The following IGSF3 variants were observed in gnomAD, a reference collection of about 807,000 sequenced individuals.
IGSF3 encodes immunoglobulin superfamily member 3.
Under a neutral mutation model 114.4 loss-of-function variants are expected in IGSF3, and 23 were observed. The ratio of observed to expected loss-of-function variants is 0.20; its 90% confidence interval spans 0.14 to 0.28. IGSF3 has a LOEUF of 0.28. Among genes scored for constraint, IGSF3 ranks in the 10% least tolerant of loss-of-function variants. The pLI is 1.00. For missense variants in IGSF3, 1,172 were observed against 1,591.5 expected (o/e 0.74, Z 4.48); for synonymous variants, 571 against 645.2 (o/e 0.88, Z 1.74).
In IGSF3 at chr1:116,600,204, G is replaced by T; in HGVS notation, c.1766C>A (p.Thr589Lys). ...SVTWRFQPVG[T>K]VEFHDLVTFT... Reference sequence around the variant, plus strand: ...GGTCACCAAGTCATGGAACTCCACCGTGCCCACCGGCTGGAACCGCCATGT... The same window carrying T: ...GGTCACCAAGTCATGGAACTCCACCTTGCCCACCGGCTGGAACCGCCATGT... The change falls in exon 7 of 11, where the codon ACG becomes AAG. Residue 589 changes from threonine to lysine, a missense_variant. Physicochemically the swap from Thr to Lys is moderately conservative, Grantham distance 78. Coordinates refer to ENST00000369486, the MANE Select transcript of IGSF3 (RefSeq NM_001007237.3). The surrounding 1 kb of genome is among the most constrained non-coding windows in gnomAD (Gnocchi z 5.5). The T allele has an allele frequency of 6.2e-7, 1 of 1,614,120 alleles. No individual in the cohort carries two copies. The highest frequency in any genetic ancestry group is 1.1e-5 in the South Asian group (1 of 91,078).
intron 8 of IGSF3, among the ~76,000 whole-genome samples, chr1:116,586,093 C>A (rs774233210): frequency 2.6e-5 from 4 of 152,096 alleles, no homozygotes; most frequent in Non-Finnish European, 4.4e-5. Context: ...TATGAATGCA[C>A]AATAGCACCT....
Position 116,610,365 on chromosome 1 carries a change from G to T in IGSF3, c.833-2034C>A, listed in dbSNP as rs796476031. Among the ~76,000 whole-genome samples, 6 of 152,218 alleles carry T rather than the reference G, an allele frequency of 3.9e-5. No homozygotes were observed. The highest frequency in any genetic ancestry group is 1.4e-4 in the African/African-American group (6 of 41,522). ...CGGCCAAAGACTCTTCTCATCTCAA[G>T]GGAATCCCCCCATGCCTTGGTGACA... On this transcript the variant is annotated intron_variant, in intron 4 of 10. Coordinates refer to ENST00000369486, the MANE Select transcript of IGSF3 (RefSeq NM_001007237.3). The surrounding 1 kb of genome is among the most constrained non-coding windows in gnomAD (Gnocchi z 4.3).
chr1:116,608,065 G>A lies in IGSF3; in HGVS notation c.1099C>T (p.Arg367Cys), dbSNP rs138298816. ...SVFVLKIYHL[R>C]QEDSGKYNCR... ...TTGTATTTCCCGCTATCTTCCTGGC[G>A]GAGGTGGTAGATCTTCAGCACAAAG... The change falls in exon 5 of 11, where the codon CGC becomes TGC. Residue 367 changes from arginine (R) to cysteine (C), a missense_variant. This residue lies in a region of IGSF3 where 736 missense variants were observed against 1,042.0 expected (regional missense o/e 0.71). Coordinates refer to ENST00000369486, the MANE Select transcript of IGSF3 (RefSeq NM_001007237.3). The A allele has an allele frequency of 2.3e-4, 379 of 1,613,770 alleles. No individual in the cohort carries two copies. Among genetic ancestry groups the A allele is most frequent in the Non-Finnish European group, 3.0e-4 (355 of 1,179,850 alleles).
chr1:116,629,308 T>C lies in IGSF3; in HGVS notation c.44-12851A>G, dbSNP rs942388810. 2.0e-5 allele frequency among the ~76,000 whole-genome samples: 3 copies of C among 152,212 alleles called. No homozygotes were observed. The highest frequency in any genetic ancestry group is 1.5e-5 in the Non-Finnish European group (1 of 68,040). On this transcript the variant is annotated intron_variant, in intron 2 of 10. Transcript: ENST00000369486. The surrounding 1 kb of genome is among the most constrained non-coding windows in gnomAD (Gnocchi z 4.3). ...AGATAAACACCCACACACCTCTATATATGTGTGGAAAAAGGACTGGGCTAG... is the reference window on the plus strand; with the variant it reads ...AGATAAACACCCACACACCTCTATACATGTGTGGAAAAAGGACTGGGCTAG...
chr1:116,659,870 T>A (rs908547951), intron 2 of IGSF3, among the ~76,000 whole-genome samples: 2 of 152,194 alleles, frequency 1.3e-5, no homozygotes, highest in African/African-American at 2.4e-5. Flanking sequence ...TCCTCCTGCC[T>A]CAGCCTCCCA....
Position 116,577,669 on chromosome 1 carries a change from C to T in IGSF3, c.3335-107G>A. The stretch of plus-strand genomic sequence containing the variant: ...ACCCAGTGGAAGCTCCTCGGTGACA[C>T]TCCCACACCACCTTGTCTTTCCCCT... On this transcript the variant is annotated intron_variant, in intron 10 of 10. Transcript: ENST00000369486. The surrounding 1 kb of genome is among the most constrained non-coding windows in gnomAD (Gnocchi z 5.7). The T allele has an allele frequency of 1.0e-6, 1 of 977,580 alleles. No homozygotes were observed. The highest frequency in any genetic ancestry group is 1.6e-6 in the Non-Finnish European group (1 of 645,092). The allele number at this position is 977,580 out of a possible 1,614,324, so 60.6% of individuals were successfully genotyped here.
rs1372959699 is a variant in IGSF3 at position 116,577,465 on chromosome 1, G to A, written c.3432C>T (p.Ile1144=). Residue 1144 remains isoleucine (I), a synonymous_variant, in exon 11 of 11, where the codon ATC becomes ATT. Transcript: ENST00000369486. The surrounding 1 kb of genome is among the most constrained non-coding windows in gnomAD (Gnocchi z 5.7). ...TCCGGCTCTTGAAACGCACCAGAAG[G>A]ATGGTGATGATAAGAATGCCAAAGA... is the stretch of plus-strand genomic sequence containing the variant. ...FPIFGILIIT[I]LLVRFKSRNS... 6.2e-7 allele frequency: 1 copy of A among 1,614,176 alleles called. No individual in the cohort carries two copies. Among genetic ancestry groups the A allele is most frequent in the African/African-American group, 1.3e-5 (1 of 75,044 alleles).
rs1301671501 is a variant in IGSF3 at position 116,625,303 on chromosome 1, C to T, written c.44-8846G>A. ...TGAGGTGCAAAGTGCAAGGTTAAGC[C>T]CTTTCAGAAAGTGAAAGCATTCAAA... is the stretch of plus-strand genomic sequence containing the variant. On this transcript the variant is annotated intron_variant, in intron 2 of 10. Transcript: ENST00000369486. The surrounding 1 kb of genome is among the most constrained non-coding windows in gnomAD (Gnocchi z 4.7). 6.6e-6 allele frequency among the ~76,000 whole-genome samples: 1 copy of T among 152,028 alleles called. No individual in the cohort carries two copies. The highest frequency in any genetic ancestry group is 2.1e-4 in the South Asian group (1 of 4,826).
rs1659429046 is a variant in IGSF3, at chr1:116,577,990, T to C, written c.3335-428A>G. Among the ~76,000 whole-genome samples, 1 of 152,226 alleles carries C rather than the reference T, an allele frequency of 6.6e-6. No individual in the cohort carries two copies. Among genetic ancestry groups the C allele is most frequent in the Non-Finnish European group, 1.5e-5 (1 of 68,038 alleles). On this transcript the variant is annotated intron_variant, in intron 10 of 10. Transcript: ENST00000369486. The surrounding 1 kb of genome is among the most constrained non-coding windows in gnomAD (Gnocchi z 5.7). ...TCTCTGGGATTATGACACAATCCCT[T>C]CCTGCCAGCTTCTGAGAGCAGTTTT...
At chr1:116,645,262 A>G (rs547473239) in intron 2 of IGSF3, among the ~76,000 whole-genome samples, 25 of 152,376 alleles carry the variant, frequency 1.6e-4, no homozygotes, top group African/African-American at 5.0e-4. Context: ...TCAAAGGGCT[A>G]CACACTGTAG....
In IGSF3 at chr1:116,592,030, C is replaced by A. The variant is rs1660133892; in HGVS notation, c.2030-2926G>T. 6.6e-6 allele frequency among the ~76,000 whole-genome samples: 1 copy of A among 152,158 alleles called. No individual in the cohort carries two copies. Among genetic ancestry groups the A allele is most frequent in the African/African-American group, 2.4e-5 (1 of 41,432 alleles). ...TGGTTTCTGTGCCTTGTCCCAAGTT[C>A]AAAGTTCAACACTTAGAATGGGAGT... On this transcript the variant is annotated intron_variant, in intron 7 of 10. Transcript: ENST00000369486. The surrounding 1 kb of genome is among the most constrained non-coding windows in gnomAD (Gnocchi z 4.5).
rs1048786953 is a variant in IGSF3, at chr1:116,584,197, A to G, written c.2848+448T>C. Among the ~76,000 whole-genome samples, 6 of 41,516 alleles carry G rather than the reference A, an allele frequency of 1.4e-4. No homozygotes were observed. The highest frequency in any genetic ancestry group is 2.5e-4 in the Non-Finnish European group (6 of 23,926). The allele number at this position is 41,516 out of a possible 152,430, so 27.2% of individuals were successfully genotyped here. A position where few individuals can be genotyped will look rare whatever the true frequency, so the allele number is the denominator to read the frequency against. ...GGTGACAGAGTGAGACTCCGTTTCA[A>G]AAAAAAAAAAGTATTGGGAAGTGAC... On this transcript the variant is annotated intron_variant, in intron 9 of 10. Transcript: ENST00000369486. The surrounding 1 kb of genome is among the most constrained non-coding windows in gnomAD (Gnocchi z 5.8).
intron 2 of IGSF3, among the ~76,000 whole-genome samples, chr1:116,623,828 A>G (rs1369211226): frequency 4.0e-5 from 6 of 148,302 alleles, no homozygotes; most frequent in African/African-American, 1.5e-4. Context: ...GCTCATGCCT[A>G]TAATCCCAGC....
chr1:116,623,374 T>C (rs747402390), intron 2 of IGSF3, among the ~76,000 whole-genome samples: 24 of 151,862 alleles, frequency 1.6e-4, no homozygotes, highest in Non-Finnish European at 3.4e-4. Context: ...AGTTAGGGAG[T>C]AAATGAAGCT....
chr1:116,606,587 A>C, intron 5 of IGSF3: 1 of 774,730 alleles, frequency 1.3e-6, no homozygotes, highest in East Asian at 2.5e-5. Context: ...AGATCATCAA[A>C]CAAGTTCTCA....
At position 116,629,990 on chromosome 1, in the gene IGSF3, C is replaced by T. The variant is rs376134756; in HGVS notation, c.44-13533G>A. ...CTGAATGACAGATGGTTTGAGGAAT[C>T]TTGAGAAAGCAGAAGTTTAGGCATT... On this transcript the variant is annotated intron_variant, in intron 2 of 10. Transcript: ENST00000369486. The surrounding 1 kb of genome is among the most constrained non-coding windows in gnomAD (Gnocchi z 4.3). 5.3e-5 allele frequency among the ~76,000 whole-genome samples: 8 copies of T among 152,302 alleles called. No homozygotes were observed. In the East Asian group the frequency reaches 1.2e-3, roughly 22 times the overall value.
At position 116,603,570 on chromosome 1, in the gene IGSF3, G is replaced by A; in HGVS notation, c.1624+54C>T. 1 of 1,547,802 alleles carries A rather than the reference G, an allele frequency of 6.5e-7. No individual in the cohort carries two copies. Among genetic ancestry groups the A allele is most frequent in the Non-Finnish European group, 8.8e-7 (1 of 1,132,962 alleles). ...TGAGAAAAGTCAGGATAAGGTGTTT[G>A]ACACTGAAGCTGTCTCCATGCCAGA... is the stretch of plus-strand genomic sequence containing the variant. On this transcript the variant is annotated intron_variant, in intron 6 of 10. Transcript: ENST00000369486. This position sits in a 1 kb window ranked among gnomAD's most constrained non-coding sequence, Gnocchi z 7.1.
intron 2 of IGSF3, among the ~76,000 whole-genome samples, chr1:116,619,221 G>T (rs1661332005): frequency 6.6e-6 from 1 of 152,168 alleles, no homozygotes; most frequent in Admixed American, 6.5e-5. Context: ...CAGTGCAAAA[G>T]AAAACATCTG....
Position 116,594,532 on chromosome 1 carries a change from T to C in IGSF3, c.2029+5409A>G, listed in dbSNP as rs552083139. 1.3e-5 allele frequency among the ~76,000 whole-genome samples: 2 copies of C among 152,320 alleles called. No homozygotes were observed. Among genetic ancestry groups the C allele is most frequent in the African/African-American group, 2.4e-5 (1 of 41,568 alleles). ...ACTATTCTAAGCACTTTATAAATAT[T>C]AACTATTTGGTCCTCACCAATCCTA... On this transcript the variant is annotated intron_variant, in intron 7 of 10. Transcript: ENST00000369486. The surrounding 1 kb of genome is among the most constrained non-coding windows in gnomAD (Gnocchi z 5.2).
Sources: gnomAD v4.1 joint callset for allele counts (sites outside exome capture counted in the v4.1 genomes callset) on GRCh38, gnomAD v4.1.1 for gene constraint, gnomAD v4.1.1 regional missense constraint, Gnocchi (gnomAD v3.1) non-coding constraint, MANE v1.5 for transcripts, NCBI Gene and HGNC (gene_info 2026-07-23, HGNC 2026-07-21) for gene names.